Variants in TASP1 observed in about 807,000 individuals in gnomAD.
The protein encoded by TASP1 is taspase 1.
TASP1 carries 16 observed loss-of-function variants against 56.6 expected under a neutral mutation model. The observed-to-expected ratio is 0.28, with a 90% CI of 0.19 to 0.43. The LOEUF (loss-of-function observed/expected upper bound fraction) is 0.43, where lower values mean the gene tolerates loss of function less well. Ranked by LOEUF, TASP1 falls within the 20% of genes least tolerant of loss-of-function variation. TASP1 has a pLI of 1.00. For missense variants in TASP1, 393 were observed against 511.6 expected, an observed-to-expected ratio of 0.77 and a Z score of 2.24; for synonymous variants, 179 against 184.2, an observed-to-expected ratio of 0.97 and a Z score of 0.23.
chr20:13,417,050 A>C (rs2042279486), intron 13 of TASP1, among the ~76,000 whole-genome samples: 1 of 152,228 alleles, frequency 6.6e-6, no homozygotes, highest in South Asian at 2.1e-4. Flanking sequence ...TTCTAGGGTT[A>C]AAGCTTGTTT....
chr20:13,512,126 T>C (rs1568529728), intron 10 of TASP1, among the ~76,000 whole-genome samples: 1 of 152,124 alleles, frequency 6.6e-6, no homozygotes, highest in Non-Finnish European at 1.5e-5. Flanking sequence ...TACCCAGTAA[T>C]GGGATGGCTG....
chr20:13,490,119 C>A (rs2043469780), intron 10 of TASP1, among the ~76,000 whole-genome samples: 1 of 152,090 alleles, frequency 6.6e-6, no homozygotes, highest in African/African-American at 2.4e-5. Flanking sequence ...TATCAGATGC[C>A]ATTAGCAGCA....
chr20:13,348,001 T>C, the TASP1 span, among the ~76,000 whole-genome samples: 1 of 152,262 alleles, frequency 6.6e-6, no homozygotes, highest in Admixed American at 6.5e-5. Context: ...TTAAGAGATA[T>C]TTGCGCCCCC....
chr20:13,449,584 T>C (rs2043540380), intron 11 of TASP1, among the ~76,000 whole-genome samples: 1 of 152,138 alleles, frequency 6.6e-6, no homozygotes, highest in African/African-American at 2.4e-5. Flanking sequence ...AACAATGGCT[T>C]TGCACAGCTG....
At chr20:13,436,240 G>C (rs78398253) in intron 11 of TASP1, among the ~76,000 whole-genome samples, 1 of 151,954 alleles carries the variant, frequency 6.6e-6, no homozygotes, top group Non-Finnish European at 1.5e-5. Context: ...AGGGTAGAGA[G>C]GATAAAAGAT....
At chr20:13,136,845 C>CA in the TASP1 span, among the ~76,000 whole-genome samples, 5 of 151,158 alleles carry the variant, frequency 3.3e-5, no homozygotes, top group African/African-American at 4.9e-5. Flanking sequence ...ATTATTGCTG[C>CA]AAAAAAGGTC....
the TASP1 span, among the ~76,000 whole-genome samples, chr20:13,263,334 C>A: frequency 2.0e-5 from 3 of 151,926 alleles, no homozygotes; most frequent in African/African-American, 7.3e-5. Context: ...CCCAACAAGC[C>A]CCCCACCACC....
At chr20:13,536,081 G>A (rs570087124) in intron 8 of TASP1, among the ~76,000 whole-genome samples, 2 of 152,268 alleles carry the variant, frequency 1.3e-5, no homozygotes, top group South Asian at 4.1e-4. Context: ...AGAAGTGTTA[G>A]TTCCCCAGAT....
chr20:13,403,263 A>G (rs1158979389), intron 13 of TASP1, among the ~76,000 whole-genome samples: 1 of 152,214 alleles, frequency 6.6e-6, no homozygotes, highest in African/African-American at 2.4e-5. Flanking sequence ...TTTTGTCAAA[A>G]TGTAATAACC....
At chr20:13,631,956 G>A (rs1006162571) in intron 1 of TASP1, among the ~76,000 whole-genome samples, 25 of 152,090 alleles carry the variant, frequency 1.6e-4, no homozygotes, top group Admixed American at 9.2e-4. Context: ...GGGAGGCTGA[G>A]GCAGAGAATT....
chr20:13,174,334 G>A, the TASP1 span, among the ~76,000 whole-genome samples: 1 of 152,172 alleles, frequency 6.6e-6, no homozygotes, highest in Admixed American at 6.5e-5. Context: ...CATACATTTA[G>A]TTAACCAAAG....
intron 12 of TASP1, among the ~76,000 whole-genome samples, chr20:13,432,166 G>T (rs1702322315): frequency 6.6e-6 from 1 of 152,172 alleles, no homozygotes; most frequent in Non-Finnish European, 1.5e-5. Flanking sequence ...GAAACAGTGT[G>T]CTAAAATACA....
chr20:13,538,438 C>T (rs1212130035), intron 8 of TASP1, among the ~76,000 whole-genome samples: 1 of 152,180 alleles, frequency 6.6e-6, no homozygotes, highest in African/African-American at 2.4e-5. Context: ...ATGGGATTAT[C>T]TTAATATAAT....
chr20:13,593,753 A>G (rs1332937228), intron 4 of TASP1, among the ~76,000 whole-genome samples: 1 of 152,226 alleles, frequency 6.6e-6, no homozygotes, highest in African/African-American at 2.4e-5. Flanking sequence ...TGCCTCTACA[A>G]ACTCCACCTC....
At chr20:13,116,183 C>T in the TASP1 span, among the ~76,000 whole-genome samples, 3 of 152,144 alleles carry the variant, frequency 2.0e-5, no homozygotes, top group African/African-American at 7.2e-5. Context: ...GCCAGCTGGA[C>T]TGTTTTGACT....
chr20:13,351,215 T>C, the TASP1 span, among the ~76,000 whole-genome samples: 1 of 152,218 alleles, frequency 6.6e-6, no homozygotes, highest in Non-Finnish European at 1.5e-5. Context: ...GGAACTCACA[T>C]GCATTGCCAG....
the TASP1 span, among the ~76,000 whole-genome samples, chr20:13,128,855 C>T: frequency 6.7e-6 from 1 of 149,398 alleles, no homozygotes; most frequent in Non-Finnish European, 1.5e-5. Flanking sequence ...CAGGCATGCA[C>T]CACCATGCCC....
At chr20:13,601,307 G>A (rs1435652621) in intron 4 of TASP1, among the ~76,000 whole-genome samples, 1 of 151,796 alleles carries the variant, frequency 6.6e-6, no homozygotes, top group African/African-American at 2.4e-5. Context: ...TGAGCCTGGA[G>A]CATCTTATAC....
At chr20:13,194,252 T>C in the TASP1 span, among the ~76,000 whole-genome samples, 1 of 152,180 alleles carries the variant, frequency 6.6e-6, no homozygotes, top group African/African-American at 2.4e-5. Context: ...CTGGAGTATA[T>C]GTTTCCATGG....
Sources: allele counts gnomAD v4.1 joint callset (sites outside exome capture counted in the v4.1 genomes callset), GRCh38; gene constraint gnomAD v4.1.1; transcripts MANE v1.5; gene names NCBI Gene and HGNC (gene_info 2026-07-23, HGNC 2026-07-21).